The following LRFN1 variants were observed in gnomAD, a reference collection of about 807,000 sequenced individuals.
LRFN1 encodes leucine rich repeat and fibronectin type III domain containing 1.
LRFN1 carries 20 observed loss-of-function variants against 31.8 expected under a neutral mutation model. The observed-to-expected ratio is 0.63, with a 90% CI of 0.44 to 0.91. The LOEUF is 0.91. LRFN1 is among the 40% of genes least tolerant of loss of function. The pLI, the probability that LRFN1 is intolerant of heterozygous loss-of-function variation, is 0.00. For missense variants in LRFN1, 912 were observed against 1,129.8 expected, an observed-to-expected ratio of 0.81 and a Z score of 2.76; for synonymous variants, 514 against 541.3, an observed-to-expected ratio of 0.95 and a Z score of 0.70.
At chr19:39,320,181 C>A (rs1421950710) in intron 1 of LRFN1, among the ~76,000 whole-genome samples, 2 of 151,228 alleles carry the variant, frequency 1.3e-5, no homozygotes, top group African/African-American at 2.4e-5. Context: ...TGACATGGAC[C>A]GAGGGAGCGG....
Position 39,315,555 on chromosome 19 carries a change from A to G in LRFN1, c.-37-182T>C, listed in dbSNP as rs988717751. ...ACTTCCATGCTGGGCACAGTGGCTC[A>G]CGCCTGTAATCCCAGCACTTTGGGA... is the stretch of plus-strand genomic sequence containing the variant. On this transcript the variant is annotated intron_variant, in intron 3 of 4. Coordinates refer to ENST00000248668, the MANE Select transcript of LRFN1 (RefSeq NM_020862.2). The surrounding 1 kb of genome is among the most constrained non-coding windows in gnomAD (Gnocchi z 4.7). 9.2e-5 allele frequency among the ~76,000 whole-genome samples: 14 copies of G among 152,330 alleles called. No individual in the cohort carries two copies. Among genetic ancestry groups the G allele is most frequent in the Admixed American group, 9.1e-4 (14 of 15,302 alleles).
rs1156282512 is a variant in LRFN1 at position 39,306,771 on chromosome 19, A to ACACTACACG, written c.*861_*862insCGTGTAGTG. On this transcript the variant is annotated 3_prime_UTR_variant, in exon 5 of 5. Transcript: ENST00000248668. ...CACACACACACACACACACACACAC[A>ACACTACACG]CTACACGCGGACACACATACAGACA... 2 of 148,806 alleles carry ACACTACACG rather than the reference A, an allele frequency of 1.3e-5. No individual in the cohort carries two copies. The highest frequency in any genetic ancestry group is 3.2e-3 in the Middle Eastern group (1 of 314). 9.2% of individuals were successfully genotyped at this position (148,806 alleles called of 1,614,324 possible).
At position 39,314,572 on chromosome 19, in the gene LRFN1, G is replaced by A. The variant is rs1209875631; in HGVS notation, c.765C>T (p.His255=). The A allele has an allele frequency of 1.2e-6, 2 of 1,610,160 alleles. No individual in the cohort carries two copies. The highest frequency in any genetic ancestry group is 1.7e-6 in the Non-Finnish European group (2 of 1,178,656). Residue 255 remains histidine (H), a synonymous_variant, in exon 4 of 5, where the codon CAC becomes CAT. Coordinates refer to ENST00000248668, the MANE Select transcript of LRFN1 (RefSeq NM_020862.2). The part of the protein sequence containing the change: ...LTVSFGGNPL[H]CNCELLWLRR... Reference sequence around the variant, plus strand: ...GCAGCCAGAGCAGCTCGCAGTTGCAGTGCAGGGGGTTGCCGCCGAAGCTGA... The same window carrying A: ...GCAGCCAGAGCAGCTCGCAGTTGCAATGCAGGGGGTTGCCGCCGAAGCTGA...
At position 39,314,469 on chromosome 19, in the gene LRFN1, G is replaced by A. The variant is rs867135754; in HGVS notation, c.868C>T (p.Pro290Ser). The A allele has an allele frequency of 6.2e-7, 1 of 1,610,508 alleles. No homozygotes were observed. The highest frequency in any genetic ancestry group is 8.5e-7 in the Non-Finnish European group (1 of 1,179,198). The change falls in exon 4 of 5, where the codon CCC becomes TCC. Residue 290 changes from proline to serine, a missense_variant. Pro to Ser is a moderately conservative substitution (Grantham distance 74, BLOSUM62 -1). Around this residue, in one of 2 missense-constraint regions of LRFN1, gnomAD observed 401 missense variants for 572.7 expected, o/e 0.70. Transcript: ENST00000248668. ...GGCTCACACAGGAACTCCTCCTCGG[G>A]GATGGACCAGAAGTAGCGGTCGGTG... ...HLTDRYFWSI[P>S]EEEFLCEPPL...
intron 4 of LRFN1, among the ~76,000 whole-genome samples, chr19:39,312,822 A>G (rs2075155589): frequency 6.6e-6 from 1 of 151,952 alleles, no homozygotes. Flanking sequence ...AGAAAAAGAA[A>G]AAAAAAAACT....
In LRFN1 at chr19:39,314,202, CT is replaced by C; in HGVS notation, c.1134del (p.Ala379ArgfsTer14). ...FTCIASNAAG[E>X]ATAPVEVCVV... Reference sequence around the variant, plus strand: ...ACGCACACCTCCACGGGCGCCGTCGCTTCCCCAGCAGCATTGGAGGCGATAC... The same window carrying C: ...ACGCACACCTCCACGGGCGCCGTCGCTCCCCAGCAGCATTGGAGGCGATAC... On this transcript the variant is annotated frameshift_variant, in exon 4 of 5. Transcript: ENST00000248668. LOFTEE classifies it high-confidence loss of function. 1 of 1,613,362 alleles carries C rather than the reference CT, an allele frequency of 6.2e-7. No individual in the cohort carries two copies.
intron 4 of LRFN1, among the ~76,000 whole-genome samples, chr19:39,313,456 G>A (rs1202176150): frequency 3.9e-5 from 6 of 152,136 alleles, no homozygotes; most frequent in Non-Finnish European, 7.4e-5. Flanking sequence ...GCTTGAACCC[G>A]GGAGGCGGAG....
rs2075170211 is a variant in LRFN1, at chr19:39,315,736, TTGA to T, written c.-38+343_-38+345del. Among the ~76,000 whole-genome samples, 1 of 152,144 alleles carries T rather than the reference TTGA, an allele frequency of 6.6e-6. No homozygotes were observed. The highest frequency in any genetic ancestry group is 2.4e-5 in the African/African-American group (1 of 41,424). On this transcript the variant is annotated intron_variant, in intron 3 of 4. Coordinates refer to ENST00000248668, the MANE Select transcript of LRFN1 (RefSeq NM_020862.2). The surrounding 1 kb of genome is among the most constrained non-coding windows in gnomAD (Gnocchi z 4.7). ...TGGGAGGCTGAAGCACGAGAATCGCTTGAACCAGGGAGGTGGAGGTTGCAGTGA... is the reference window on the plus strand; with the variant it reads ...TGGGAGGCTGAAGCACGAGAATCGCTACCAGGGAGGTGGAGGTTGCAGTGA...
chr19:39,308,027 C>A lies in LRFN1; in HGVS notation c.1922G>T (p.Arg641Leu). Reference protein sequence around the residue: ...ASAEPEVVLGRSLGGSATSLC... With the variant: ...ASAEPEVVLGLSLGGSATSLC... ...CGAGGTGGCCGAGCCGCCCAGAGAA[C>A]GTCCAAGGACCACCTCCGGCTCCGC... The change falls in exon 5 of 5, where the codon CGT becomes CTT. Residue 641 changes from arginine (R) to leucine (L), a missense_variant. By Grantham distance (102) the Arg-to-Leu change is moderately radical. This residue lies in a region of LRFN1 where 511 missense variants were observed against 557.0 expected (regional missense o/e 0.92). Coordinates refer to ENST00000248668, the MANE Select transcript of LRFN1 (RefSeq NM_020862.2). The surrounding 1 kb of genome is among the most constrained non-coding windows in gnomAD (Gnocchi z 6.2). 6.4e-7 allele frequency: 1 copy of A among 1,551,672 alleles called. No homozygotes were observed.
intron 4 of LRFN1, among the ~76,000 whole-genome samples, chr19:39,312,715 T>G (rs963083807): frequency 1.3e-5 from 2 of 151,308 alleles, no homozygotes; most frequent in Admixed American, 6.6e-5. Flanking sequence ...GTAGGAGGAT[T>G]GCTTGGAGCC....
chr19:39,314,359 G>T lies in LRFN1; in HGVS notation c.978C>A (p.Asp326Glu), dbSNP rs1224002126. The change falls in exon 4 of 5, where the codon GAC (aspartate) becomes GAA (glutamate). Residue 326 changes from aspartate (D) to glutamate (E), a missense_variant. Transcript: ENST00000248668. ...CCACCCAGTGCACCACCGGCTCGGG[G>T]TCACCCACCGCTCGGCAGCGCAGGC... ...AVSLRCRAVG[D>E]PEPVVHWVAP... is the part of the protein sequence containing the mutation. 7 of 1,591,170 alleles carry T rather than the reference G, an allele frequency of 4.4e-6. No homozygotes were observed. Among genetic ancestry groups the T allele is most frequent in the Non-Finnish European group, 4.3e-6 (5 of 1,170,226 alleles).
intron 4 of LRFN1, 136 bp downstream of exon 4, chr19:39,313,795 G>T: frequency 2.7e-6 from 2 of 751,686 alleles, no homozygotes; most frequent in Non-Finnish European, 4.2e-6. Context: ...AGGAGACAGG[G>T]CAAAGGAGGG....
chr19:39,317,717 C>T (rs139262417), intron 2 of LRFN1, among the ~76,000 whole-genome samples: 251 of 152,148 alleles, frequency 1.6e-3, no homozygotes, highest in African/African-American at 5.8e-3. Context: ...TAATGGCACC[C>T]ACCTCATAAG....
intron 2 of LRFN1, among the ~76,000 whole-genome samples, chr19:39,318,032 T>C (rs1361374370): frequency 6.6e-6 from 1 of 152,112 alleles, no homozygotes; most frequent in Non-Finnish European, 1.5e-5. Context: ...TGAGGAAACC[T>C]TGCTTTCCCA....
At chr19:39,312,150 A>G (rs1033211379) in intron 4 of LRFN1, among the ~76,000 whole-genome samples, 2 of 152,126 alleles carry the variant, frequency 1.3e-5, no homozygotes, top group African/African-American at 4.8e-5. Context: ...GATTATAGGC[A>G]TGAGCCATCG....
At position 39,314,114 on chromosome 19, in the gene LRFN1, G is replaced by A; in HGVS notation, c.1223C>T (p.Ser408Phe). 3 of 1,612,264 alleles carry A rather than the reference G, an allele frequency of 1.9e-6. No individual in the cohort carries two copies. The highest frequency in any genetic ancestry group is 2.5e-6 in the Non-Finnish European group (3 of 1,179,242). Residue 408 changes from serine (S) to phenylalanine (F), a missense_variant, in exon 4 of 5, where the codon TCC becomes TTC. Ser to Phe is a radical substitution (Grantham distance 155). Around this residue, in one of 2 missense-constraint regions of LRFN1, gnomAD observed 511 missense variants for 557.0 expected, o/e 0.92. Transcript: ENST00000248668. ...TCTGCCCGGCGTGGCGATGTCAGAGGAGCCGGGCTCGGTGAGAGGCGGCGG... is the reference window on the plus strand; with the variant it reads ...TCTGCCCGGCGTGGCGATGTCAGAGAAGCCGGGCTCGGTGAGAGGCGGCGG... ...AAPPPLTEPGSSDIATPGRPG... is the reference protein window; with the variant it reads ...AAPPPLTEPGFSDIATPGRPG...
intron 4 of LRFN1, 31 bp downstream of exon 4, chr19:39,313,900 G>A: frequency 6.4e-7 from 1 of 1,553,754 alleles, no homozygotes; most frequent in East Asian, 2.3e-5. Flanking sequence ...GGCTTGGGAG[G>A]AGGCCCTGGG....
rs71169583 is a variant in LRFN1 at position 39,309,478 on chromosome 19, C to CAAAAAA, written c.1407-942_1407-937dup. ...ACTCTGTCTCAAAAAACAAACAAAC[C>CAAAAAA]AAAAAAAAAAAAAAAAAAAAAAAAA... On this transcript the variant is annotated intron_variant, in intron 4 of 4. Transcript: ENST00000248668. Among the ~76,000 whole-genome samples, 269 of 31,984 alleles carry CAAAAAA rather than the reference C, an allele frequency of 8.4e-3. 35 individuals are homozygous for CAAAAAA. Among genetic ancestry groups the CAAAAAA allele is most frequent in the African/African-American group, 0.026 (176 of 6,826 alleles). 21.0% of individuals were successfully genotyped at this position (31,984 alleles called of 152,430 possible).
chr19:39,313,870 T>G (rs2075159547), intron 4 of LRFN1, 61 bp downstream of exon 4: 2 of 1,490,564 alleles, frequency 1.3e-6, no homozygotes, highest in South Asian at 2.5e-5. Context: ...AATGGGCAGG[T>G]GGGAGGGAGG....
Sources: gnomAD v4.1 joint callset for allele counts (sites outside exome capture counted in the v4.1 genomes callset) on GRCh38, gnomAD v4.1.1 for gene constraint, gnomAD v4.1.1 regional missense constraint, Gnocchi (gnomAD v3.1) non-coding constraint, MANE v1.5 for transcripts, NCBI Gene and HGNC (gene_info 2026-07-23, HGNC 2026-07-21) for gene names.